DCUN1D4: variants seen among roughly 807,000 people sequenced by gnomAD.
The protein encoded by DCUN1D4 is defective in cullin neddylation 1 domain containing 4.
In DCUN1D4, 22 loss-of-function variants were observed where a neutral mutation model predicts 47.9. The ratio of observed to expected loss-of-function variants is 0.46; its 90% CI spans 0.33 to 0.66. The LOEUF (loss-of-function observed/expected upper bound fraction) is 0.66, where lower values mean the gene tolerates loss of function less well. Ranked by LOEUF, DCUN1D4 falls within the 30% of genes least tolerant of loss-of-function variation. The probability of loss-of-function intolerance (pLI) is 0.02; values close to 1 mark genes in which losing one functional copy is unlikely to be tolerated. For synonymous variants in DCUN1D4, 121 were observed against 112.2 expected (o/e 1.08, Z -0.50); for missense variants, 301 against 340.8 (o/e 0.88, Z 0.92).
chr4:51,892,583 A>T (rs1418535136), intron 7 of DCUN1D4, among the ~76,000 whole-genome samples: 6 of 152,276 alleles, frequency 3.9e-5, no homozygotes, highest in Admixed American at 1.3e-4. Flanking sequence ...GATTTAAAAA[A>T]TTAAAAAGAT....
At chr4:51,848,067 A>T in intron 1 of DCUN1D4, 1 of 552,084 alleles carries the variant, frequency 1.8e-6, no homozygotes, top group Non-Finnish European at 2.8e-6. Context: ...TAGAAAAATT[A>T]ATTCTTCCTG....
At chr4:51,895,193 A>C (rs1468246903) in intron 7 of DCUN1D4, among the ~76,000 whole-genome samples, 2 of 151,726 alleles carry the variant, frequency 1.3e-5, no homozygotes, top group Non-Finnish European at 2.9e-5. Context: ...ATTTGGTTAA[A>C]ATGCTGTTAA....
At chr4:51,841,230 T>C (rs777438931), upstream of DCUN1D4, among the ~76,000 whole-genome samples, 1 of 151,906 alleles carries the variant, frequency 6.6e-6, no homozygotes, top group African/African-American at 2.4e-5. Flanking sequence ...TGAAGTACCA[T>C]GGTAAACGGT....
At position 51,884,403 on chromosome 4, in the gene DCUN1D4, CCCTAGGCAACTACTGCAGTGCATAGCT is replaced by C. The variant is rs372064401; in HGVS notation, c.344-2162_344-2136del. ...TCATGGAGGGCAGGGACTGTTTGCA[CCCTAGGCAACTACTGCAGTGCATAGCT>C]CCAGGATGTGTCTAACAAATGTTAT... On this transcript the variant is annotated intron_variant, in intron 5 of 10. Transcript: ENST00000334635. 2.8e-3 allele frequency: 427 copies of C among 152,274 alleles called. 1 individual carries two copies. Among genetic ancestry groups the C allele is most frequent in the African/African-American group, 9.8e-3 (408 of 41,542 alleles). 9.4% of individuals were successfully genotyped at this position (152,274 alleles called of 1,614,324 possible).
Position 51,914,169 on chromosome 4 carries a change from T to G in DCUN1D4, c.*585T>G, listed in dbSNP as rs1734096478. 1 of 152,312 alleles carries G rather than the reference T, an allele frequency of 6.6e-6. No individual in the cohort carries two copies. The highest frequency in any genetic ancestry group is 2.1e-4 in the South Asian group (1 of 4,832). The allele number at this position is 152,312 out of a possible 1,614,324, so 9.4% of individuals were successfully genotyped here. ...TTTTAAAATGATGAGTTATAATTAT[T>G]TGAACATATAGATATGTAACATGCC... On this transcript the variant is annotated 3_prime_UTR_variant, in exon 11 of 11. Coordinates refer to ENST00000334635, the MANE Select transcript of DCUN1D4 (RefSeq NM_001040402.3).
At chr4:51,844,663 A>T (rs1452359371) in intron 1 of DCUN1D4, among the ~76,000 whole-genome samples, 4 of 151,192 alleles carry the variant, frequency 2.6e-5, no homozygotes, top group Non-Finnish European at 4.4e-5. Context: ...GCCGCGCCCC[A>T]CGCCCGGGGG....
intron 3 of DCUN1D4, among the ~76,000 whole-genome samples, chr4:51,873,152 C>T (rs1180767376): frequency 6.6e-6 from 1 of 152,196 alleles, no homozygotes; most frequent in African/African-American, 2.4e-5. Context: ...CTCTCCTGTC[C>T]TCATCACTCC....
intron 1 of DCUN1D4, among the ~76,000 whole-genome samples, chr4:51,861,777 G>T (rs1457046388): frequency 9.2e-5 from 14 of 152,014 alleles, no homozygotes. Flanking sequence ...TTTAATCTGA[G>T]AGAGTACAAA....
chr4:51,834,889 C>G, the DCUN1D4 span, among the ~76,000 whole-genome samples: 1 of 152,206 alleles, frequency 6.6e-6, no homozygotes, highest in African/African-American at 2.4e-5. Context: ...GGGACCTACT[C>G]TTACATATGC....
chr4:51,879,720 A>G (rs1363629179), intron 5 of DCUN1D4, among the ~76,000 whole-genome samples: 3 of 152,242 alleles, frequency 2.0e-5, no homozygotes, highest in African/African-American at 4.8e-5. Flanking sequence ...TTGCTTTCCT[A>G]TATTGATTCA....
At chr4:51,880,150 G>A (rs571145300) in intron 5 of DCUN1D4, among the ~76,000 whole-genome samples, 1 of 152,112 alleles carries the variant, frequency 6.6e-6, no homozygotes, top group Non-Finnish European at 1.5e-5. Context: ...TTTTCATTTT[G>A]TGTATCTCAA....
intron 8 of DCUN1D4, among the ~76,000 whole-genome samples, chr4:51,903,607 G>C (rs1280156344): frequency 3.3e-5 from 5 of 152,100 alleles, no homozygotes; most frequent in Non-Finnish European, 7.4e-5. Flanking sequence ...CTGCTCTTCT[G>C]CGACTACAGT....
At chr4:51,911,311 C>T in intron 9 of DCUN1D4, 137 bp downstream of exon 9, 1 of 729,422 alleles carries the variant, frequency 1.4e-6, no homozygotes, top group Non-Finnish European at 2.3e-6. Context: ...TAATTGCTGT[C>T]AGTCAGCAGC....
intron 5 of DCUN1D4, among the ~76,000 whole-genome samples, chr4:51,879,010 G>T (rs1306174052): frequency 6.6e-6 from 1 of 152,176 alleles, no homozygotes; most frequent in African/African-American, 2.4e-5. Context: ...CTTCACAGGG[G>T]TTTTCAGATT....
chr4:51,885,794 A>G (rs572792452), intron 5 of DCUN1D4, among the ~76,000 whole-genome samples: 1 of 152,308 alleles, frequency 6.6e-6, no homozygotes, highest in East Asian at 1.9e-4. Context: ...AGAAGGGGAG[A>G]GGAAGGAGGA....
chr4:51,899,569 G>A (rs1731785656), intron 8 of DCUN1D4, among the ~76,000 whole-genome samples, 191 bp downstream of exon 8: 1 of 152,166 alleles, frequency 6.6e-6, no homozygotes, highest in African/African-American at 2.4e-5. Context: ...CATTCTGTAG[G>A]TCAGCAAAAA....
At chr4:51,883,975 A>T (rs553645624) in intron 5 of DCUN1D4, among the ~76,000 whole-genome samples, 1 of 148,604 alleles carries the variant, frequency 6.7e-6, no homozygotes. Flanking sequence ...AAAACTAGGA[A>T]TATATAAATA....
At chr4:51,860,693 G>A (rs1395877960) in intron 1 of DCUN1D4, 1 of 453,132 alleles carries the variant, frequency 2.2e-6, no homozygotes. Context: ...ACTTTTAAAT[G>A]ACTGAACCCC....
intron 8 of DCUN1D4, chr4:51,910,855 TTCTC>T: frequency 1.8e-6 from 1 of 553,616 alleles, no homozygotes; most frequent in Non-Finnish European, 3.2e-6. Context: ...ACATAAATCT[TTCTC>T]ACAGTAAATT....
Sources: allele counts gnomAD v4.1 joint callset (sites outside exome capture counted in the v4.1 genomes callset), GRCh38; gene constraint gnomAD v4.1.1; transcripts MANE v1.5; gene names NCBI Gene and HGNC (gene_info 2026-07-23, HGNC 2026-07-21).